Variants in MYO6 observed in about 807,000 individuals in gnomAD.
MYO6 encodes the protein unconventional myosin-VI.
MYO6 carries 74 observed loss-of-function variants against 178.7 expected under a neutral mutation model. The observed-to-expected ratio is 0.41, with a 90% CI of 0.34 to 0.50. The LOEUF (loss-of-function observed/expected upper bound fraction) is 0.50. MYO6 is among the 20% of genes least tolerant of loss of function. The pLI is 0.09. For missense variants in MYO6, 1,330 were observed against 1,547.4 expected, an observed-to-expected ratio of 0.86 and a Z score of 2.36; for synonymous variants, 477 against 504.6, an observed-to-expected ratio of 0.95 and a Z score of 0.73.
rs373824667 is a variant in MYO6, at chr6:75,870,631, T to C, written c.1945-16T>C. 30 of 1,608,310 alleles carry C rather than the reference T, an allele frequency of 1.9e-5. No homozygotes were observed. The highest frequency in any genetic ancestry group is 3.3e-4 in the Middle Eastern group (2 of 6,040). Reference sequence around the variant, plus strand: ...TGGCTTTTTGAAATAATAAACTGATTTCCTTTCTTTCACAGACACAGTTAA... The same window carrying C: ...TGGCTTTTTGAAATAATAAACTGATCTCCTTTCTTTCACAGACACAGTTAA... On this transcript the variant is annotated splice_polypyrimidine_tract_variant and intron_variant, in intron 18 of 34. Coordinates refer to ENST00000369977, the MANE Select transcript of MYO6 (RefSeq NM_004999.4).
At chr6:75,824,592 A>G (rs141338379) in intron 3 of MYO6, among the ~76,000 whole-genome samples, 2 of 152,154 alleles carry the variant, frequency 1.3e-5, no homozygotes, top group East Asian at 1.9e-4. Context: ...TCTCACATGC[A>G]TATTTCTAAA....
chr6:75,859,102 G>A (rs1775973716), intron 14 of MYO6, 109 bp downstream of exon 14: 5 of 765,476 alleles, frequency 6.5e-6, no homozygotes, highest in African/African-American at 1.7e-5. Context: ...GGTGTATAAC[G>A]GAAGGTGGCT....
Position 75,886,985 on chromosome 6 carries a change from C to T in MYO6, c.2649C>T (p.Ala883=). Residue 883 remains alanine, a synonymous_variant, in exon 25 of 35, where the codon GCC becomes GCT. Coordinates refer to ENST00000369977, the MANE Select transcript of MYO6 (RefSeq NM_004999.4). ...NLEISIDTLM[A]KIKSTMMTQE... is the part of the protein sequence containing the mutation. ...AAATTTCTATTGATACTTTGATGGC[C>T]AAAATTAAGGTATGTAATTTCAACC... The T allele has an allele frequency of 6.2e-7, 1 of 1,612,690 alleles. No individual in the cohort carries two copies. The highest frequency in any genetic ancestry group is 8.5e-7 in the Non-Finnish European group (1 of 1,179,146).
chr6:75,757,101 T>C (rs1053314063), intron 1 of MYO6, among the ~76,000 whole-genome samples: 1 of 146,880 alleles, frequency 6.8e-6, no homozygotes. Flanking sequence ...ACGCAATATG[T>C]ATTGTGTATA....
At chr6:75,872,527 A>T (rs1029700841) in intron 19 of MYO6, among the ~76,000 whole-genome samples, 2 of 152,194 alleles carry the variant, frequency 1.3e-5, no homozygotes, top group Admixed American at 1.3e-4. Flanking sequence ...GTCATAGGGA[A>T]ATTTCCTTAT....
chr6:75,804,405 A>G (rs1769787571), intron 1 of MYO6, among the ~76,000 whole-genome samples: 2 of 152,170 alleles, frequency 1.3e-5, no homozygotes, highest in African/African-American at 4.8e-5. Context: ...TTGTATGCCA[A>G]AGGTGCACAT....
chr6:75,889,845 G>T (rs1479280890), intron 25 of MYO6, among the ~76,000 whole-genome samples: 1 of 152,192 alleles, frequency 6.6e-6, no homozygotes. Context: ...GTATAGTAAA[G>T]ATAACGGACG....
At chr6:75,821,533 T>C (rs1771868578) in intron 2 of MYO6, among the ~76,000 whole-genome samples, 1 of 151,954 alleles carries the variant, frequency 6.6e-6, no homozygotes, top group African/African-American at 2.4e-5. Flanking sequence ...ACTTCCAGAG[T>C]TTCTATGGCA....
chr6:75,775,085 C>T (rs531900683), intron 1 of MYO6, among the ~76,000 whole-genome samples: 22 of 152,218 alleles, frequency 1.4e-4, no homozygotes, highest in African/African-American at 4.8e-4. Flanking sequence ...TGAGCCACCA[C>T]GTCCGGTGAG....
chr6:75,825,161 C>T (rs534493301), intron 3 of MYO6, among the ~76,000 whole-genome samples: 108 of 152,212 alleles, frequency 7.1e-4, no homozygotes, highest in Admixed American at 7.8e-4. Flanking sequence ...GAAAATTGGG[C>T]GTGTGAAGTC....
At chr6:75,822,881 G>C (rs112098806) in intron 3 of MYO6, 30 bp downstream of exon 3, 106 of 1,516,546 alleles carry the variant, frequency 7.0e-5, no homozygotes, top group Non-Finnish European at 9.6e-5. Context: ...TTAACTCTCC[G>C]CACAGAAAAG....
intron 1 of MYO6, among the ~76,000 whole-genome samples, chr6:75,753,455 G>GTGTGTATATATATATATATATATA (rs370647728): frequency 7.1e-5 from 10 of 140,026 alleles, no homozygotes; most frequent in African/African-American, 2.7e-4. Context: ...GTGTGTGTGT[G>GTGTGTATATATATATATATATATA]TATATATATA....
In MYO6 at chr6:75,914,151, C is replaced by T. The variant is rs777868271; in HGVS notation, c.3528C>T (p.Ile1176=). The T allele has an allele frequency of 6.2e-7, 1 of 1,614,096 alleles. No homozygotes were observed. Among genetic ancestry groups the T allele is most frequent in the South Asian group, 1.1e-5 (1 of 91,070 alleles). Residue 1176 remains isoleucine (I), a synonymous_variant, in exon 34 of 35, where the codon ATC becomes ATT. Transcript: ENST00000369977. ...RQQRFFRIPF[I]RPADQYKDPQ... is the part of the protein sequence containing the mutation. ...AACGCTTCTTCCGCATCCCATTCATCCGCCCTGCCGACCAGTACAAAGACC... is the reference window on the plus strand; with the variant it reads ...AACGCTTCTTCCGCATCCCATTCATTCGCCCTGCCGACCAGTACAAAGACC...
intron 1 of MYO6, among the ~76,000 whole-genome samples, chr6:75,798,921 A>G (rs1769134553): frequency 6.6e-6 from 1 of 152,246 alleles, no homozygotes; most frequent in African/African-American, 2.4e-5. Context: ...AGGACACAAA[A>G]TAAATGTGCA....
chr6:75,782,909 CTTTT>C (rs397888755), intron 1 of MYO6, among the ~76,000 whole-genome samples: 3 of 117,972 alleles, frequency 2.5e-5, no homozygotes, highest in Non-Finnish European at 5.1e-5. Context: ...AGCTAGTTAG[CTTTT>C]TTTTTTTTTT....
Position 75,890,066 on chromosome 6 carries a change from A to G in MYO6, c.2668A>G (p.Met890Val). 1 of 1,612,556 alleles carries G rather than the reference A, an allele frequency of 6.2e-7. No individual in the cohort carries two copies. Among genetic ancestry groups the G allele is most frequent in the Non-Finnish European group, 8.5e-7 (1 of 1,178,730 alleles). The change falls in exon 26 of 35, where the codon ATG (methionine) becomes GTG (valine). Residue 890 changes from methionine to valine, a missense_variant. By Grantham distance (21) the Met-to-Val change is conservative. Transcript: ENST00000369977. Reference protein sequence around the residue: ...TLMAKIKSTMMTQEQIQKEYD... With the variant: ...TLMAKIKSTMVTQEQIQKEYD... ...ATTTTATTTTTTAAAGTCCACTATG[A>G]TGACGCAGGAACAAATCCAGAAAGA...
chr6:75,850,654 C>G (rs2150287099), intron 11 of MYO6, among the ~76,000 whole-genome samples: 2 of 152,326 alleles, frequency 1.3e-5, no homozygotes, highest in South Asian at 2.1e-4. Context: ...GCACGTGCTC[C>G]TGATCCAGAT....
At chr6:75,868,629 G>A (rs1228520255) in intron 18 of MYO6, among the ~76,000 whole-genome samples, 4 of 151,834 alleles carry the variant, frequency 2.6e-5, no homozygotes, top group East Asian at 3.8e-4. Flanking sequence ...AATATTTCAC[G>A]TTTTTCTCTG....
intron 1 of MYO6, among the ~76,000 whole-genome samples, chr6:75,795,179 G>A (rs935003993): frequency 1.3e-5 from 2 of 152,138 alleles, no homozygotes; most frequent in Non-Finnish European, 2.9e-5. Context: ...AATGAATTTT[G>A]GTGTAGGCGG....
Sources: allele counts gnomAD v4.1 joint callset (sites outside exome capture counted in the v4.1 genomes callset), GRCh38; gene constraint gnomAD v4.1.1; transcripts MANE v1.5; gene names NCBI Gene and HGNC (gene_info 2026-07-23, HGNC 2026-07-21).